Variants in F5 observed in about 807,000 individuals in gnomAD.
F5 encodes the protein activated protein c cofactor.
Under a neutral mutation model 216.4 loss-of-function variants are expected in F5, and 138 were observed. The observed-to-expected ratio is 0.64, with a 90% CI of 0.56 to 0.73. The LOEUF (loss-of-function observed/expected upper bound fraction) is 0.73, where lower values mean the gene tolerates loss of function less well. Among genes scored for constraint, F5 ranks in the 30% least tolerant of loss-of-function variants. F5 has a pLI of 0.00. For missense variants in F5, 2,403 were observed against 2,674.0 expected (o/e 0.90, Z 2.24); for synonymous variants, 916 against 930.7 (o/e 0.98, Z 0.29).
At chr1:169,581,219 G>A (rs9332502) in intron 2 of F5, among the ~76,000 whole-genome samples, 1,813 of 152,268 alleles carry the variant, frequency 0.012, 30 homozygotes, top group African/African-American at 0.035. Context: ...GAAAGGAAGA[G>A]TGTTAAATGT....
intron 5 of F5, among the ~76,000 whole-genome samples, chr1:169,558,704 C>T (rs756488325): frequency 7.2e-5 from 11 of 152,132 alleles, no homozygotes; most frequent in Non-Finnish European, 1.2e-4. Flanking sequence ...ATTCTAGATG[C>T]CACTGAATAT....
Position 169,515,574 on chromosome 1 carries a change from A to G in F5, c.6398T>C (p.Ile2133Thr). The change falls in exon 24 of 25, where the codon ATA (isoleucine) becomes ACA (threonine). Residue 2133 changes from isoleucine (I) to threonine (T), a missense_variant. By Grantham distance (89) the Ile-to-Thr change is moderately conservative (BLOSUM62 -1). Transcript: ENST00000367797. ...GCAGCCCTGTGTTATAATTGCCGTT[A>G]TCTTCTTGATCTTGAGTAGATCAAT... Reference protein sequence around the residue: ...LEIDLLKIKKITAIITQGCKS... With the variant: ...LEIDLLKIKKTTAIITQGCKS... 1 of 1,613,414 alleles carries G rather than the reference A, an allele frequency of 6.2e-7. No homozygotes were observed. Among genetic ancestry groups the G allele is most frequent in the Non-Finnish European group, 8.5e-7 (1 of 1,179,640 alleles).
chr1:169,574,418 C>A (rs1660796153), intron 2 of F5, among the ~76,000 whole-genome samples: 1 of 152,164 alleles, frequency 6.6e-6, no homozygotes, highest in Non-Finnish European at 1.5e-5. Flanking sequence ...GAATCTATGA[C>A]CAAAAGCCCC....
rs182566496 is a variant in F5, at chr1:169,527,956, C to A, written c.5558G>T (p.Gly1853Val). ...GACCCCTAACTGGTGCTGTTTATTG[C>A]CATTTTCCAGCAAGGTCTGGCCGTG... The part of the protein sequence containing the change: ...HFHGQTLLEN[G>V]NKQHQLGVWP... The change falls in exon 17 of 25, where the codon GGC (glycine) becomes GTC (valine). Residue 1853 changes from glycine to valine, a missense_variant. Physicochemically the swap from Gly to Val is moderately radical, Grantham distance 109 (BLOSUM62 -3). Around this residue, in one of 4 missense-constraint regions of F5, gnomAD observed 659 missense variants for 787.9 expected, o/e 0.84. Transcript: ENST00000367797. 3.7e-4 allele frequency: 594 copies of A among 1,613,734 alleles called. 7 individuals carry two copies. In the East Asian group the frequency reaches 0.012, roughly 32 times the overall value.
intron 18 of F5, among the ~76,000 whole-genome samples, chr1:169,525,336 A>G (rs1426182661): frequency 6.6e-6 from 1 of 151,828 alleles, no homozygotes; most frequent in Non-Finnish European, 1.5e-5. Context: ...ATAAAAATAC[A>G]AAATATAAAA....
At chr1:169,528,191 C>T (rs2101809860) in intron 16 of F5, 97 bp from the exon 17 acceptor site, 5 of 1,459,306 alleles carry the variant, frequency 3.4e-6, no homozygotes, top group Non-Finnish European at 4.7e-6. Context: ...CACCCATGTT[C>T]CTCATGATTC....
chr1:169,529,900 G>T, intron 15 of F5, 82 bp from the exon 16 acceptor site: 1 of 1,126,152 alleles, frequency 8.9e-7, no homozygotes, highest in Non-Finnish European at 1.3e-6. Context: ...TATAGAAAAG[G>T]AAACTTTCTG....
In F5 at chr1:169,515,671, CT is replaced by C. The variant is rs773290375; in HGVS notation, c.6346-46del. Reference sequence around the variant, plus strand: ...ACATAGATAAGGAAGATGTTAAAACCTTTGCTTTTTTTTTAGACCAAGTTAT... The same window carrying C: ...ACATAGATAAGGAAGATGTTAAAACCTTGCTTTTTTTTTAGACCAAGTTAT... On this transcript the variant is annotated intron_variant, in intron 23 of 24. Coordinates refer to ENST00000367797, the MANE Select transcript of F5 (RefSeq NM_000130.5). 8 of 1,600,078 alleles carry C rather than the reference CT, an allele frequency of 5.0e-6. No homozygotes were observed. The Admixed American group carries it at 1.2e-4, about 23-fold the overall frequency.
Position 169,529,734 on chromosome 1 carries a change from C to G in F5, c.5293G>C (p.Asp1765His). Reference sequence around the variant, plus strand: ...AATAGTAAGACAAATTCTCTCATGTCCATAGGCATGTTGCTGTCCTTATGT... The same window carrying G: ...AATAGTAAGACAAATTCTCTCATGTGCATAGGCATGTTGCTGTCCTTATGT... ...ILHKDSNMPM[D>H]MREFVLLFMT... Residue 1765 changes from aspartate (D) to histidine (H), a missense_variant, in exon 16 of 25, where the codon GAC becomes CAC. Asp to His is a moderately conservative substitution (Grantham distance 81). Around this residue, in one of 4 missense-constraint regions of F5, gnomAD observed 659 missense variants for 787.9 expected, o/e 0.84. Coordinates refer to ENST00000367797, the MANE Select transcript of F5 (RefSeq NM_000130.5). 6.2e-7 allele frequency: 1 copy of G among 1,613,788 alleles called. No homozygotes were observed. The highest frequency in any genetic ancestry group is 8.5e-7 in the Non-Finnish European group (1 of 1,179,812).
Position 169,530,946 on chromosome 1 carries a change from C to T in F5, c.5048G>A (p.Gly1683Glu). 1 of 1,613,820 alleles carries T rather than the reference C, an allele frequency of 6.2e-7. No individual in the cohort carries two copies. Among genetic ancestry groups the T allele is most frequent in the South Asian group, 1.1e-5 (1 of 91,080 alleles). Reference protein sequence around the residue: ...HGLSYEKSSEGKTYEDDSPEW... With the variant: ...HGLSYEKSSEEKTYEDDSPEW... ...AGGAGAGTCATCTTCATAAGTCTTT[C>T]CCTCTGATGATTTTTCATAGGAAAG... The change falls in exon 15 of 25, where the codon GGA becomes GAA. Residue 1683 changes from glycine (G) to glutamate (E), a missense_variant. Around this residue, in one of 4 missense-constraint regions of F5, gnomAD observed 659 missense variants for 787.9 expected, o/e 0.84. Coordinates refer to ENST00000367797, the MANE Select transcript of F5 (RefSeq NM_000130.5).
chr1:169,514,511 T>G (rs752581224), intron 24 of F5, 52 bp from the exon 25 acceptor site: 65 of 1,533,604 alleles, frequency 4.2e-5, no homozygotes, highest in Non-Finnish European at 5.5e-5. Flanking sequence ...TGGCTAAGGT[T>G]TTTTGTTTTT....
Position 169,523,253 on chromosome 1 carries a change from T to A in F5, c.5992A>T (p.Ser1998Cys). 6.2e-7 allele frequency: 1 copy of A among 1,614,136 alleles called. No homozygotes were observed. The highest frequency in any genetic ancestry group is 8.5e-7 in the Non-Finnish European group (1 of 1,179,990). ...ATCTGCCAGTTGATCTGGTTGGAACTGTAAGCTACATAGAACTCTGTGGTA... is the reference window on the plus strand; with the variant it reads ...ATCTGCCAGTTGATCTGGTTGGAACAGTAAGCTACATAGAACTCTGTGGTA... ...CYTTEFYVAY[S>C]SNQINWQIFK... Residue 1998 changes from serine (S) to cysteine (C), a missense_variant, in exon 21 of 25, where the codon AGT (serine) becomes TGT (cysteine). Physicochemically the swap from Ser to Cys is moderately radical, Grantham distance 112 (BLOSUM62 -1). This residue lies in a region of F5 where 659 missense variants were observed against 787.9 expected (regional missense o/e 0.84). Transcript: ENST00000367797.
At chr1:169,516,363 AT>A (rs1659154974) in intron 23 of F5, among the ~76,000 whole-genome samples, 1 of 152,138 alleles carries the variant, frequency 6.6e-6, no homozygotes, top group Admixed American at 6.6e-5. Flanking sequence ...TCTAAGATAA[AT>A]TTTTACCTTT....
In F5 at chr1:169,542,614, C is replaced by T. The variant is rs1347355575; in HGVS notation, c.2476G>A (p.Glu826Lys). 6 of 1,614,048 alleles carry T rather than the reference C, an allele frequency of 3.7e-6. No homozygotes were observed. Among genetic ancestry groups the T allele is most frequent in the Non-Finnish European group, 4.2e-6 (5 of 1,179,968 alleles). ...TCTTCAGAATATGGGCTGGAATGCT[C>T]TGCTGTGGAAGAATTGAGAACTGAG... ...KNSVLNSSTA[E>K]HSSPYSEDPI... Residue 826 changes from glutamate (E) to lysine (K), a missense_variant, in exon 13 of 25, where the codon GAG (glutamate) becomes AAG (lysine). Coordinates refer to ENST00000367797, the MANE Select transcript of F5 (RefSeq NM_000130.5).
intron 24 of F5, 117 bp from the exon 25 acceptor site, chr1:169,514,576 A>G (rs1227493825): frequency 3.6e-6 from 3 of 832,292 alleles, no homozygotes; most frequent in African/African-American, 3.4e-5. Context: ...CCAGTGGCAC[A>G]GTCATGGCTC....
chr1:169,529,830 G>A lies in F5; in HGVS notation c.5209-12C>T. ...TGAATATCTTTTTCCTGGAAAAACA[G>A]AGTAAATTGTATTGCCTCTTTCTCA... On this transcript the variant is annotated splice_polypyrimidine_tract_variant and intron_variant, in intron 15 of 24. Transcript: ENST00000367797. 2 of 1,608,118 alleles carry A rather than the reference G, an allele frequency of 1.2e-6. No individual in the cohort carries two copies. Among genetic ancestry groups the A allele is most frequent in the Non-Finnish European group, 1.7e-6 (2 of 1,175,182 alleles).
intron 3 of F5, among the ~76,000 whole-genome samples, chr1:169,572,001 C>T (rs985063518): frequency 1.3e-5 from 2 of 152,266 alleles, no homozygotes; most frequent in South Asian, 4.1e-4. Flanking sequence ...CCCTCCCAAA[C>T]ATTAAAGAGT....
At position 169,542,268 on chromosome 1, in the gene F5, T is replaced by G; in HGVS notation, c.2822A>C (p.Lys941Thr). Residue 941 changes from lysine (K) to threonine (T), a missense_variant, in exon 13 of 25, where the codon AAG becomes ACG. By Grantham distance (78) the Lys-to-Thr change is moderately conservative (BLOSUM62 -1). Transcript: ENST00000367797. ...CAAATGCCATCTCCCAACCAAAATC[T>G]TAGATGAGTTACTTTGTTTTAAGAG... ...LLLLKQSNSS[K>T]ILVGRWHLAS... 6.2e-7 allele frequency: 1 copy of G among 1,614,102 alleles called. No individual in the cohort carries two copies. The highest frequency in any genetic ancestry group is 8.5e-7 in the Non-Finnish European group (1 of 1,179,984).
At chr1:169,553,396 A>G (rs1660221390) in intron 7 of F5, among the ~76,000 whole-genome samples, 1 of 152,212 alleles carries the variant, frequency 6.6e-6, no homozygotes, top group South Asian at 2.1e-4. Context: ...ATCAGTGTTC[A>G]TGAGAGAAAT....
Sources: gnomAD v4.1 joint callset for allele counts (sites outside exome capture counted in the v4.1 genomes callset) on GRCh38, gnomAD v4.1.1 for gene constraint, gnomAD v4.1.1 regional missense constraint, MANE v1.5 for transcripts, NCBI Gene and HGNC (gene_info 2026-07-23, HGNC 2026-07-21) for gene names.